The following MYO18A variants were observed in gnomAD, a reference collection of about 807,000 sequenced individuals.
MYO18A encodes unconventional myosin-XVIIIa.
Under a neutral mutation model 235.8 loss-of-function variants are expected in MYO18A, and 78 were observed. The observed-to-expected ratio is 0.33, with a 90% CI of 0.28 to 0.40. MYO18A has a LOEUF of 0.40. Ranked by LOEUF, MYO18A falls within the 10% of genes least tolerant of loss-of-function variation. The pLI is 1.00. For synonymous variants in MYO18A, 977 were observed against 1,077.8 expected (o/e 0.91, Z 1.83); for missense variants, 2,215 against 2,699.3 (o/e 0.82, Z 3.98).
intron 40 of MYO18A, among the ~76,000 whole-genome samples, chr17:29,085,354 G>A (rs905345115): frequency 1.3e-5 from 2 of 152,236 alleles, no homozygotes; most frequent in African/African-American, 4.8e-5. Flanking sequence ...CCTTTCGGCA[G>A]GAGCCCCCCC....
chr17:29,074,699 C>A lies in MYO18A; in HGVS notation c.*71G>T. On this transcript the variant is annotated 3_prime_UTR_variant, in exon 42 of 42. Transcript: ENST00000527372. This position sits in a 1 kb window ranked among gnomAD's most constrained non-coding sequence, Gnocchi z 4.4. ...TCGGGTGGGGGAGACCGGTGCCCCA[C>A]CACTTCCTGGGAGAGGTGCCCAGGC... 6.4e-7 allele frequency: 1 copy of A among 1,562,026 alleles called. No individual in the cohort carries two copies. The highest frequency in any genetic ancestry group is 1.1e-5 in the South Asian group (1 of 88,480).
At chr17:29,114,134 T>A (rs956272898) in intron 14 of MYO18A, 37 bp from the exon 15 acceptor site, 14 of 1,508,286 alleles carry the variant, frequency 9.3e-6, no homozygotes, top group Non-Finnish European at 1.3e-5. Flanking sequence ...AGCATGGGGG[T>A]CACATTGTGG....
intron 2 of MYO18A, among the ~76,000 whole-genome samples, chr17:29,131,878 C>A (rs1014225820): frequency 6.6e-6 from 1 of 152,158 alleles, no homozygotes. Flanking sequence ...TAAAAGTAAC[C>A]CAGTGTGGGT....
chr17:29,139,236 C>G (rs2067677311), intron 2 of MYO18A, among the ~76,000 whole-genome samples: 1 of 152,224 alleles, frequency 6.6e-6, no homozygotes, highest in East Asian at 1.9e-4. Context: ...ACGACTGAAC[C>G]TGCTGGAGGC....
At chr17:29,078,479 G>C (rs1436068512) in intron 41 of MYO18A, 1 of 152,256 alleles carries the variant, frequency 6.6e-6, no homozygotes, top group Admixed American at 6.5e-5. Flanking sequence ...ACATCAGTCC[G>C]TTTGGTATAA....
In MYO18A at chr17:29,126,069, G is replaced by T. The variant is rs2067313467; in HGVS notation, c.1000-3816C>A. ...CACTGGGACCCACTAGGGAAGGGGAGCAGCGCCAGGGAGCAAGCCGCGCGG... is the reference window on the plus strand; with the variant it reads ...CACTGGGACCCACTAGGGAAGGGGATCAGCGCCAGGGAGCAAGCCGCGCGG... On this transcript the variant is annotated intron_variant, in intron 2 of 41. Coordinates refer to ENST00000527372, the MANE Select transcript of MYO18A (RefSeq NM_078471.4). This position sits in a 1 kb window ranked among gnomAD's most constrained non-coding sequence, Gnocchi z 4.1. 1.8e-6 allele frequency: 1 copy of T among 555,462 alleles called. No individual in the cohort carries two copies. The highest frequency in any genetic ancestry group is 2.3e-6 in the Non-Finnish European group (1 of 436,358). The allele number at this position is 555,462 out of a possible 1,614,324, so 34.4% of individuals were successfully genotyped here.
rs896586284 is a variant in MYO18A, at chr17:29,106,245, G to A, written c.3441+835C>T. Among the ~76,000 whole-genome samples, 3 of 152,274 alleles carry A rather than the reference G, an allele frequency of 2.0e-5. No individual in the cohort carries two copies. The highest frequency in any genetic ancestry group is 1.9e-4 in the East Asian group (1 of 5,180). On this transcript the variant is annotated intron_variant, in intron 20 of 41. Coordinates refer to ENST00000527372, the MANE Select transcript of MYO18A (RefSeq NM_078471.4). This position sits in a 1 kb window ranked among gnomAD's most constrained non-coding sequence, Gnocchi z 4.6. ...GAGGCTGAGGGCCTGTGAGAAGGGG[G>A]CGTGGGACGGGCATCTATGTCCACA...
intron 2 of MYO18A, among the ~76,000 whole-genome samples, chr17:29,129,534 G>A (rs2067410246): frequency 6.6e-6 from 1 of 152,196 alleles, no homozygotes; most frequent in African/African-American, 2.4e-5. Context: ...TCCATTGCCT[G>A]GGGAGCGTAA....
At chr17:29,152,515 G>A (rs1298011790) in intron 2 of MYO18A, among the ~76,000 whole-genome samples, 1 of 152,110 alleles carries the variant, frequency 6.6e-6, no homozygotes, top group African/African-American at 2.4e-5. Flanking sequence ...GTAAGCTTAG[G>A]CCTGTTCCCC....
intron 2 of MYO18A, among the ~76,000 whole-genome samples, chr17:29,151,650 T>C (rs2067966053): frequency 6.6e-6 from 1 of 152,162 alleles, no homozygotes; most frequent in African/African-American, 2.4e-5. Context: ...AGCCCCTCAG[T>C]GCCTGCACAA....
At chr17:29,100,521 C>T (rs1051052015) in intron 21 of MYO18A, among the ~76,000 whole-genome samples, 1 of 152,202 alleles carries the variant, frequency 6.6e-6, no homozygotes, top group Non-Finnish European at 1.5e-5. Context: ...CAGCTGGGTG[C>T]CCCCACGCCC....
In MYO18A at chr17:29,109,220, T is replaced by C. The variant is rs2066868563; in HGVS notation, c.3331+638A>G. ...ATGAGACATGACTCTACAGCCAGCC[T>C]GCCTGGTCAAATCCCACTCTGCCAC... is the stretch of plus-strand genomic sequence containing the variant. On this transcript the variant is annotated intron_variant, in intron 19 of 41. Coordinates refer to ENST00000527372, the MANE Select transcript of MYO18A (RefSeq NM_078471.4). This position sits in a 1 kb window ranked among gnomAD's most constrained non-coding sequence, Gnocchi z 4.1. 6.6e-6 allele frequency among the ~76,000 whole-genome samples: 1 copy of C among 151,996 alleles called. No homozygotes were observed. The highest frequency in any genetic ancestry group is 2.4e-5 in the African/African-American group (1 of 41,370).
rs887583678 is a variant in MYO18A, at chr17:29,127,946, G to A, written c.1000-5693C>T. 31 of 998,958 alleles carry A rather than the reference G, an allele frequency of 3.1e-5. 1 individual carries two copies. The Admixed American group carries it at 4.0e-4, about 13-fold the overall frequency. 61.9% of individuals were successfully genotyped at this position (998,958 alleles called of 1,614,324 possible). Reference sequence around the variant, plus strand: ...GGAGCCTGGGGTCACCAGCTCTTCCGGTGGGGCTGGGGAGCGCTGCTTCTT... The same window carrying A: ...GGAGCCTGGGGTCACCAGCTCTTCCAGTGGGGCTGGGGAGCGCTGCTTCTT... On this transcript the variant is annotated intron_variant, in intron 2 of 41. Transcript: ENST00000527372.
rs9893307 is a variant in MYO18A, at chr17:29,140,381, C to G, written c.1000-18128G>C. On this transcript the variant is annotated intron_variant, in intron 2 of 41. Transcript: ENST00000527372. The surrounding 1 kb of genome is among the most constrained non-coding windows in gnomAD (Gnocchi z 4.2). Reference sequence around the variant, plus strand: ...GGAGCAGCCCAGAGCAAGGAGACTCCGCTCTGATGCTGCTCTGGCTCCGTT... The same window carrying G: ...GGAGCAGCCCAGAGCAAGGAGACTCGGCTCTGATGCTGCTCTGGCTCCGTT... The G allele has an allele frequency of 6.2e-6, 8 of 1,284,334 alleles. No homozygotes were observed. Among genetic ancestry groups the G allele is most frequent in the Non-Finnish European group, 7.1e-6 (7 of 986,500 alleles). The allele number at this position is 1,284,334 out of a possible 1,614,324, so 79.6% of individuals were successfully genotyped here. A position where few individuals can be genotyped will look rare whatever the true frequency, so the allele number is the denominator to read the frequency against.
chr17:29,145,800 A>G (rs1230640788), intron 2 of MYO18A, among the ~76,000 whole-genome samples: 3 of 152,370 alleles, frequency 2.0e-5, no homozygotes, highest in African/African-American at 4.8e-5. Context: ...AGGGACGTCA[A>G]TAACAGTCTA....
intron 2 of MYO18A, among the ~76,000 whole-genome samples, chr17:29,162,893 G>A (rs1397984091): frequency 6.6e-6 from 1 of 152,218 alleles, no homozygotes; most frequent in African/African-American, 2.4e-5. Flanking sequence ...ATGAAGGTGT[G>A]AACCCAGCAT....
rs568320919 is a variant in MYO18A, at chr17:29,129,248, C to T, written c.1000-6995G>A. Reference sequence around the variant, plus strand: ...TTCTCAAGCACTGAGGAGCCCAGCACGGGCCAGGAAGCTTCCACTTCAGCC... The same window carrying T: ...TTCTCAAGCACTGAGGAGCCCAGCATGGGCCAGGAAGCTTCCACTTCAGCC... On this transcript the variant is annotated intron_variant, in intron 2 of 41. Transcript: ENST00000527372. The T allele has an allele frequency of 6.1e-5, 18 of 293,384 alleles. No homozygotes were observed. The South Asian group carries it at 9.2e-4, about 15-fold the overall frequency. The allele number at this position is 293,384 out of a possible 1,614,324, so 18.2% of individuals were successfully genotyped here.
chr17:29,147,124 A>G (rs1176257801), intron 2 of MYO18A, among the ~76,000 whole-genome samples: 6 of 152,246 alleles, frequency 3.9e-5, no homozygotes, highest in Non-Finnish European at 8.8e-5. Context: ...TTCAGATTCC[A>G]GAGCCCAGCT....
intron 1 of MYO18A, among the ~76,000 whole-genome samples, chr17:29,178,304 T>C (rs1290440888): frequency 1.3e-5 from 2 of 151,998 alleles, no homozygotes; most frequent in African/African-American, 4.8e-5. Flanking sequence ...GTAAACAAAC[T>C]AGACACTCAG....
Sources: gnomAD v4.1 joint callset for allele counts (sites outside exome capture counted in the v4.1 genomes callset) on GRCh38, gnomAD v4.1.1 for gene constraint, Gnocchi (gnomAD v3.1) non-coding constraint, MANE v1.5 for transcripts, NCBI Gene and HGNC (gene_info 2026-07-23, HGNC 2026-07-21) for gene names.